The following VPS13B variants were observed in gnomAD, a reference collection of about 807,000 sequenced individuals.
VPS13B encodes vacuolar protein sorting 13 homolog B, also known as intermembrane lipid transfer protein VPS13B.
Under a neutral mutation model 426.4 loss-of-function variants are expected in VPS13B, and 285 were observed. The observed-to-expected ratio is 0.67, with a 90% confidence interval of 0.61 to 0.74. The LOEUF (loss-of-function observed/expected upper bound fraction) is 0.74, where lower values mean the gene tolerates loss of function less well. Among genes scored for constraint, VPS13B ranks in the 30% least tolerant of loss-of-function variants. The pLI, the probability that VPS13B is intolerant of heterozygous loss-of-function variation, is 0.00. For synonymous variants in VPS13B, 1,676 were observed against 1,676.4 expected, an observed-to-expected ratio of 1.00 and a Z score of 0.01; for missense variants, 4,537 against 4,782.6, an observed-to-expected ratio of 0.95 and a Z score of 1.51.
chr8:99,609,711 C>G (rs1365031512), intron 33 of VPS13B, among the ~76,000 whole-genome samples: 1 of 152,116 alleles, frequency 6.6e-6, no homozygotes, highest in Non-Finnish European at 1.5e-5. Flanking sequence ...ATTAATGGGT[C>G]AGGATTTAAT....
intron 36 of VPS13B, among the ~76,000 whole-genome samples, chr8:99,709,835 A>T (rs899263356): frequency 6.6e-6 from 1 of 152,204 alleles, no homozygotes; most frequent in Non-Finnish European, 1.5e-5. Context: ...AGGTCTTTAA[A>T]TTGGTAGTAT....
rs200495579 is a variant in VPS13B at position 99,543,979 on chromosome 8, C to T, written c.4746-12471C>T. Among the ~76,000 whole-genome samples, 743 of 142,772 alleles carry T rather than the reference C, an allele frequency of 5.2e-3. 9 individuals carry two copies. The highest frequency in any genetic ancestry group is 0.018 in the African/African-American group (691 of 37,822). The allele number at this position is 142,772 out of a possible 152,430, so 93.7% of individuals were successfully genotyped here. A position where few individuals can be genotyped will look rare whatever the true frequency, so the allele number is the denominator to read the frequency against. On this transcript the variant is annotated intron_variant, in intron 30 of 61. Transcript: ENST00000357162. Reference sequence around the variant, plus strand: ...CATTACTGGGTATATACCCAAAGGACTATAAATCATGCTGCTATAAAGACA... The same window carrying T: ...CATTACTGGGTATATACCCAAAGGATTATAAATCATGCTGCTATAAAGACA...
intron 19 of VPS13B, among the ~76,000 whole-genome samples, chr8:99,379,824 G>A (rs1313306888): frequency 6.6e-6 from 1 of 152,092 alleles, no homozygotes; most frequent in Non-Finnish European, 1.5e-5. Flanking sequence ...ACAAATTACA[G>A]TTCAAGGGGC....
chr8:99,276,794 A>G (rs1226757337), intron 19 of VPS13B, among the ~76,000 whole-genome samples: 6 of 152,096 alleles, frequency 3.9e-5, no homozygotes, highest in Non-Finnish European at 8.8e-5. Flanking sequence ...TTTGTTTTCA[A>G]ATAATAAACT....
At chr8:99,213,922 A>T (rs972878110) in intron 17 of VPS13B, among the ~76,000 whole-genome samples, 2 of 151,580 alleles carry the variant, frequency 1.3e-5, no homozygotes, top group African/African-American at 4.9e-5. Context: ...TAAGTTCTGC[A>T]GGCTTTTCCT....
intron 35 of VPS13B, among the ~76,000 whole-genome samples, chr8:99,672,279 G>A (rs1171154949): frequency 5.3e-5 from 8 of 152,068 alleles, no homozygotes; most frequent in South Asian, 2.1e-4. Flanking sequence ...ATGAACACAG[G>A]ATATCTTTCC....
intron 33 of VPS13B, among the ~76,000 whole-genome samples, chr8:99,602,771 C>T (rs1345571763): frequency 6.6e-6 from 1 of 152,200 alleles, no homozygotes; most frequent in Non-Finnish European, 1.5e-5. Flanking sequence ...AGTGAACTCC[C>T]ATTCACAGTT....
At chr8:99,502,139 G>A (rs1367630353) in intron 26 of VPS13B, among the ~76,000 whole-genome samples, 2 of 151,738 alleles carry the variant, frequency 1.3e-5, no homozygotes, top group Non-Finnish European at 2.9e-5. Context: ...CGTGCACCAC[G>A]ACACCCAGCT....
intron 33 of VPS13B, among the ~76,000 whole-genome samples, chr8:99,636,610 T>C (rs1334487072): frequency 1.3e-5 from 2 of 152,042 alleles, no homozygotes; most frequent in Non-Finnish European, 2.9e-5. Flanking sequence ...TACAGGGATT[T>C]TGGCACAGGT....
chr8:99,196,807 A>C (rs1168723944), intron 17 of VPS13B, among the ~76,000 whole-genome samples: 1 of 151,978 alleles, frequency 6.6e-6, no homozygotes, highest in Non-Finnish European at 1.5e-5. Context: ...TTTCTATTAC[A>C]ATGCCTTTTC....
chr8:99,795,667 A>G (rs1812768401), intron 43 of VPS13B, among the ~76,000 whole-genome samples: 1 of 152,184 alleles, frequency 6.6e-6, no homozygotes, highest in South Asian at 2.1e-4. Flanking sequence ...TGTAATCAAG[A>G]CATCACATGG....
At chr8:99,739,029 G>A (rs1362091893) in intron 39 of VPS13B, among the ~76,000 whole-genome samples, 2 of 152,212 alleles carry the variant, frequency 1.3e-5, no homozygotes, top group Admixed American at 6.5e-5. Context: ...GCGAGGCATC[G>A]CCTCACCCAG....
intron 16 of VPS13B, among the ~76,000 whole-genome samples, chr8:99,178,349 A>G (rs1476478146): frequency 3.6e-5 from 5 of 139,176 alleles, no homozygotes; most frequent in Admixed American, 1.6e-4. Flanking sequence ...GGCGGTTCCC[A>G]TATTCAAAAG....
chr8:99,326,452 C>CTGTTTTTTTTT (rs1810267222), intron 19 of VPS13B, among the ~76,000 whole-genome samples: 5 of 32,518 alleles, frequency 1.5e-4, no homozygotes, highest in Non-Finnish European at 2.1e-4. Context: ...CTCTAGGTAG[C>CTGTTTTTTTTT]TTTTTTTTTT....
rs753271110 is a variant in VPS13B at position 99,147,823 on chromosome 8, T to C, written c.1844-18T>C. On this transcript the variant is annotated intron_variant, in intron 13 of 61. Transcript: ENST00000357162. The stretch of plus-strand genomic sequence containing the variant: ...TTTAAAAATATTCTTTATTAATTTT[T>C]TATCATTTTAATTTTAGATATTAAG... 1 of 1,414,814 alleles carries C rather than the reference T, an allele frequency of 7.1e-7. No individual in the cohort carries two copies. Among genetic ancestry groups the C allele is most frequent in the Non-Finnish European group, 9.4e-7 (1 of 1,067,332 alleles). 87.6% of individuals were successfully genotyped at this position (1,414,814 alleles called of 1,614,324 possible).
intron 3 of VPS13B, among the ~76,000 whole-genome samples, chr8:99,081,112 G>C (rs997168050): frequency 6.6e-6 from 1 of 152,116 alleles, no homozygotes; most frequent in Non-Finnish European, 1.5e-5. Flanking sequence ...AGTTTTTTCT[G>C]CCTCCTTCAA....
chr8:99,130,632 C>T (rs1040417293), intron 8 of VPS13B, among the ~76,000 whole-genome samples: 20 of 151,976 alleles, frequency 1.3e-4, no homozygotes, highest in Non-Finnish European at 2.6e-4. Context: ...CCTCGTGATC[C>T]GCCCACCTCG....
intron 39 of VPS13B, among the ~76,000 whole-genome samples, chr8:99,735,471 G>A (rs1475937149): frequency 6.6e-6 from 1 of 152,076 alleles, no homozygotes. Context: ...GCAGAGGGAG[G>A]CAGAGACTGG....
intron 12 of VPS13B, among the ~76,000 whole-genome samples, chr8:99,140,546 TCTTCTCCTC>T (rs1194875009): frequency 2.0e-5 from 3 of 151,330 alleles, no homozygotes; most frequent in South Asian, 2.1e-4. Flanking sequence ...CTGCTTCTCT[TCTTCTCCTC>T]CTTCTCCTCC....
Sources: gnomAD v4.1 joint callset for allele counts (sites outside exome capture counted in the v4.1 genomes callset) on GRCh38, gnomAD v4.1.1 for gene constraint, MANE v1.5 for transcripts, NCBI Gene and HGNC (gene_info 2026-07-23, HGNC 2026-07-21) for gene names.